TJP1: variants seen among roughly 807,000 people sequenced by gnomAD.
TJP1 encodes the protein tight junction protein ZO-1.
Under a neutral mutation model 194.2 loss-of-function variants are expected in TJP1, and 43 were observed. The observed-to-expected ratio is 0.22, with a 90% CI of 0.17 to 0.29. TJP1 has a LOEUF of 0.29. Among genes scored for constraint, TJP1 ranks in the 10% least tolerant of loss-of-function variants. The pLI is 1.00. For missense variants in TJP1, 1,971 were observed against 2,185.7 expected, an observed-to-expected ratio of 0.90 and a Z score of 1.96; for synonymous variants, 801 against 779.0, an observed-to-expected ratio of 1.03 and a Z score of -0.47.
chr15:29,757,870 C>T (rs1186394711), intron 8 of TJP1, among the ~76,000 whole-genome samples: 1 of 152,150 alleles, frequency 6.6e-6, no homozygotes, highest in African/African-American at 2.4e-5. Flanking sequence ...CACTTACACT[C>T]GAATTTTCTT....
intron 2 of TJP1, among the ~76,000 whole-genome samples, chr15:29,844,981 G>A (rs2051356389): frequency 6.6e-6 from 1 of 152,156 alleles, no homozygotes; most frequent in Admixed American, 6.5e-5. Flanking sequence ...GTAAGACAGA[G>A]TATGGCATCT....
chr15:29,921,449 C>T (rs2054355632), intron 2 of TJP1, among the ~76,000 whole-genome samples: 1 of 152,194 alleles, frequency 6.6e-6, no homozygotes, highest in East Asian at 1.9e-4. Context: ...ACCTGCAGGG[C>T]CAGCCACTGT....
chr15:29,844,984 T>C (rs2051356525), intron 2 of TJP1, among the ~76,000 whole-genome samples: 1 of 152,096 alleles, frequency 6.6e-6, no homozygotes. Context: ...AGACAGAGTA[T>C]GGCATCTTGG....
intron 11 of TJP1, among the ~76,000 whole-genome samples, chr15:29,734,853 T>TA (rs969029256): frequency 5.3e-5 from 8 of 152,012 alleles, no homozygotes; most frequent in African/African-American, 1.9e-4. Flanking sequence ...ACTCTAATTT[T>TA]AAAAAAACAG....
chr15:29,713,284 C>T (rs2042354710), intron 23 of TJP1, among the ~76,000 whole-genome samples: 1 of 152,202 alleles, frequency 6.6e-6, no homozygotes, highest in Admixed American at 6.5e-5. Flanking sequence ...CCTGGAGGGA[C>T]ACTGCTCTTC....
chr15:29,777,122 C>A (rs541591881), intron 2 of TJP1, among the ~76,000 whole-genome samples: 13 of 152,252 alleles, frequency 8.5e-5, no homozygotes, highest in African/African-American at 3.1e-4. Flanking sequence ...TGTTTGCATA[C>A]CTAGACTACT....
chr15:29,871,333 A>G (rs547536323), intron 2 of TJP1, among the ~76,000 whole-genome samples: 1 of 152,260 alleles, frequency 6.6e-6, no homozygotes, highest in Admixed American at 6.5e-5. Flanking sequence ...AAATATATAC[A>G]GTTGGTTTTT....
chr15:29,789,213 C>T (rs2047913551), intron 2 of TJP1, among the ~76,000 whole-genome samples: 1 of 152,046 alleles, frequency 6.6e-6, no homozygotes, highest in Non-Finnish European at 1.5e-5. Flanking sequence ...CTGTTGTAGA[C>T]CTCCCAAGAG....
intron 2 of TJP1, among the ~76,000 whole-genome samples, chr15:29,945,465 G>C (rs1447795560): frequency 6.6e-6 from 1 of 152,142 alleles, no homozygotes; most frequent in African/African-American, 2.4e-5. Context: ...CATTCCATTT[G>C]AGATAAGAGC....
At chr15:29,741,276 C>A in intron 10 of TJP1, 55 bp downstream of exon 10, 2 of 1,330,066 alleles carry the variant, frequency 1.5e-6, no homozygotes, top group Non-Finnish European at 2.1e-6. Context: ...AATTCCTACT[C>A]TGAATAATGT....
intron 26 of TJP1, among the ~76,000 whole-genome samples, chr15:29,704,998 CAGG>C (rs1450897433): frequency 1.3e-5 from 2 of 152,180 alleles, no homozygotes; most frequent in Admixed American, 1.3e-4. Context: ...CTGGTAGATC[CAGG>C]AGGATTATGA....
chr15:29,875,777 G>A (rs1475326129), intron 2 of TJP1, among the ~76,000 whole-genome samples: 1 of 152,080 alleles, frequency 6.6e-6, no homozygotes, highest in Non-Finnish European at 1.5e-5. Context: ...TGTTGGCCAG[G>A]CTGGTCTCGA....
At chr15:29,891,094 A>G (rs1468931608) in intron 2 of TJP1, among the ~76,000 whole-genome samples, 1 of 152,236 alleles carries the variant, frequency 6.6e-6, no homozygotes, top group Non-Finnish European at 1.5e-5. Flanking sequence ...TGAAGTCAGG[A>G]GCTGGAAGCT....
intron 2 of TJP1, among the ~76,000 whole-genome samples, chr15:29,886,884 G>A (rs545611029): frequency 6.6e-6 from 1 of 151,910 alleles, no homozygotes; most frequent in South Asian, 2.1e-4. Flanking sequence ...TAATCTGTAA[G>A]TTCAACATAA....
intron 11 of TJP1, among the ~76,000 whole-genome samples, chr15:29,735,271 TACAAA>T (rs1449720110): frequency 6.6e-6 from 1 of 151,006 alleles, no homozygotes; most frequent in Non-Finnish European, 1.5e-5. Context: ...ACTTTTATGA[TACAAA>T]ACAAAAGTGA....
intron 15 of TJP1, chr15:29,729,603 A>ACGT (rs2043471966): frequency 6.6e-6 from 1 of 151,942 alleles, no homozygotes; most frequent in Non-Finnish European, 1.5e-5. Flanking sequence ...GCAGATCACG[A>ACGT]GGTCAGGAGA....
chr15:29,935,622 T>C (rs968637776), intron 2 of TJP1, among the ~76,000 whole-genome samples: 1 of 152,072 alleles, frequency 6.6e-6, no homozygotes, highest in African/African-American at 2.4e-5. Context: ...AAACCATACA[T>C]GGTCTTTCTC....
chr15:29,733,764 G>C (rs953964496), intron 12 of TJP1, among the ~76,000 whole-genome samples: 4 of 152,138 alleles, frequency 2.6e-5, no homozygotes, highest in African/African-American at 9.7e-5. Context: ...CAGAGGCTAG[G>C]AATGCCCCTA....
intron 2 of TJP1, among the ~76,000 whole-genome samples, chr15:29,937,277 C>T (rs2054916895): frequency 6.6e-6 from 1 of 152,056 alleles, no homozygotes; most frequent in African/African-American, 2.4e-5. Context: ...GAAAACCAAA[C>T]CTTGAACAAA....
Sources: gnomAD v4.1 joint callset for allele counts (sites outside exome capture counted in the v4.1 genomes callset) on GRCh38, gnomAD v4.1.1 for gene constraint, MANE v1.5 for transcripts, NCBI Gene and HGNC (gene_info 2026-07-23, HGNC 2026-07-21) for gene names.